Variants in SLC4A4 observed in about 807,000 individuals in gnomAD.
SLC4A4 encodes the protein electrogenic sodium bicarbonate cotransporter 1.
In SLC4A4, 27 loss-of-function variants were observed where a neutral mutation model predicts 111.5. The ratio of observed to expected loss-of-function variants is 0.24; its 90% CI spans 0.18 to 0.33. The LOEUF is 0.33. Ranked by LOEUF, SLC4A4 falls within the 10% of genes least tolerant of loss-of-function variation. The pLI is 1.00. For missense variants in SLC4A4, 909 were observed against 1,315.5 expected, an observed-to-expected ratio of 0.69 and a Z score of 4.78; for synonymous variants, 443 against 463.4, an observed-to-expected ratio of 0.96 and a Z score of 0.57.
At position 71,144,218 on chromosome 4, in the gene SLC4A4, T is replaced by G. The variant is rs1428954850; in HGVS notation, c.-2+51426T>G. 7.2e-5 allele frequency among the ~76,000 whole-genome samples: 11 copies of G among 152,194 alleles called. No homozygotes were observed. The East Asian group carries it at 7.7e-4, about 11-fold the overall frequency. On this transcript the variant is annotated intron_variant, in intron 2 of 26. Transcript: ENST00000649996. ...CTAAATAGGGAATCCTTTCCCCATTTCTTGTTTTTGTCATGTTTGTCAAAG... is the reference window on the plus strand; with the variant it reads ...CTAAATAGGGAATCCTTTCCCCATTGCTTGTTTTTGTCATGTTTGTCAAAG...
chr4:71,124,095 A>G (rs1445171558), intron 2 of SLC4A4, among the ~76,000 whole-genome samples: 2 of 151,716 alleles, frequency 1.3e-5, no homozygotes. Flanking sequence ...TTCCCAAGGG[A>G]CACACAGACA....
At chr4:71,137,604 C>T (rs1406093563) in intron 2 of SLC4A4, among the ~76,000 whole-genome samples, 1 of 152,190 alleles carries the variant, frequency 6.6e-6, no homozygotes, top group Non-Finnish European at 1.5e-5. Context: ...CAACTTCATT[C>T]TTCCCTTTGC....
intron 16 of SLC4A4, among the ~76,000 whole-genome samples, chr4:71,506,325 C>T (rs769416743): frequency 5.9e-5 from 9 of 152,164 alleles, no homozygotes; most frequent in Non-Finnish European, 1.3e-4. Context: ...TATTCATGAG[C>T]ATGGAATGCT....
chr4:71,143,105 C>G (rs563392031), intron 2 of SLC4A4, among the ~76,000 whole-genome samples: 2 of 152,088 alleles, frequency 1.3e-5, no homozygotes, highest in African/African-American at 2.4e-5. Context: ...CCCATCCCCC[C>G]ACCATGCAAC....
At chr4:71,119,075 G>A (rs1249961841) in intron 2 of SLC4A4, among the ~76,000 whole-genome samples, 1 of 152,204 alleles carries the variant, frequency 6.6e-6, no homozygotes, top group Non-Finnish European at 1.5e-5. Context: ...CGATAATGAT[G>A]TGTCAATGTA....
intron 2 of SLC4A4, among the ~76,000 whole-genome samples, chr4:71,098,274 A>G (rs1742617302): frequency 6.6e-6 from 1 of 152,160 alleles, no homozygotes; most frequent in African/African-American, 2.4e-5. Flanking sequence ...CCATTTTATT[A>G]AATAGGTAGC....
At chr4:71,362,484 G>T (rs1730884644) in intron 6 of SLC4A4, among the ~76,000 whole-genome samples, 1 of 152,190 alleles carries the variant, frequency 6.6e-6, no homozygotes, top group African/African-American at 2.4e-5. Context: ...TATACAATAT[G>T]TTTAAGCACA....
intron 3 of SLC4A4, among the ~76,000 whole-genome samples, chr4:71,307,687 G>A (rs1725804153): frequency 6.6e-6 from 1 of 152,210 alleles, no homozygotes; most frequent in Admixed American, 6.5e-5. Flanking sequence ...CTTTTCAGAT[G>A]TTGTCTGATA....
intron 1 of SLC4A4, among the ~76,000 whole-genome samples, chr4:71,077,716 G>A (rs1372884563): frequency 6.6e-6 from 1 of 152,148 alleles, no homozygotes; most frequent in Non-Finnish European, 1.5e-5. Context: ...AAGAAATAAT[G>A]AGCATTGTAG....
chr4:71,234,321 T>C (rs982567263), intron 1 of SLC4A4, among the ~76,000 whole-genome samples: 2 of 152,264 alleles, frequency 1.3e-5, no homozygotes, highest in Non-Finnish European at 2.9e-5. Context: ...ATGAGGAACA[T>C]AGCAGGCACT....
rs558530187 is a variant in SLC4A4 at position 71,374,785 on chromosome 4, G to GT, written c.730+17610dup. Among the ~76,000 whole-genome samples, 346 of 146,026 alleles carry GT rather than the reference G, an allele frequency of 2.4e-3. 2 individuals carry two copies. Among genetic ancestry groups the GT allele is most frequent in the South Asian group, 0.014 (66 of 4,614 alleles). Reference sequence around the variant, plus strand: ...GGCAGTCTGCTAAAATTGTAAAACAGTTTTTTTTTTTTCCTAATAAGATTT... The same window carrying GT: ...GGCAGTCTGCTAAAATTGTAAAACAGTTTTTTTTTTTTTCCTAATAAGATTT... On this transcript the variant is annotated intron_variant, in intron 6 of 25. Coordinates refer to ENST00000264485, the MANE Select transcript of SLC4A4 (RefSeq NM_001098484.3).
intron 2 of SLC4A4, among the ~76,000 whole-genome samples, chr4:71,095,071 C>A (rs1173538961): frequency 1.3e-5 from 2 of 152,182 alleles, no homozygotes; most frequent in Non-Finnish European, 2.9e-5. Flanking sequence ...GTTTAATCAG[C>A]ATAATCTTTT....
At chr4:71,426,897 A>C (rs144255737) in intron 7 of SLC4A4, among the ~76,000 whole-genome samples, 55 of 152,230 alleles carry the variant, frequency 3.6e-4, no homozygotes, top group African/African-American at 1.3e-3. Context: ...ATATGGTTGT[A>C]GTTTTTCACT....
Position 71,571,934 on chromosome 4 carries a change from T to C in SLC4A4, c.*4183T>C, listed in dbSNP as rs1737953105. The C allele has an allele frequency of 6.6e-6, 1 of 152,272 alleles. No homozygotes were observed. The highest frequency in any genetic ancestry group is 2.4e-5 in the African/African-American group (1 of 41,406). 9.4% of individuals were successfully genotyped at this position (152,272 alleles called of 1,614,324 possible). On this transcript the variant is annotated 3_prime_UTR_variant, in exon 26 of 26. Coordinates refer to ENST00000264485, the MANE Select transcript of SLC4A4 (RefSeq NM_001098484.3). ...TACTAATAACTTTTTCCAATATAAA[T>C]CCTAAAATTCCTATAACATAGTATT...
chr4:71,367,310 A>G (rs1731425514), intron 6 of SLC4A4, among the ~76,000 whole-genome samples: 2 of 152,222 alleles, frequency 1.3e-5, no homozygotes, highest in African/African-American at 2.4e-5. Context: ...AGCTAAAGGA[A>G]TATGAATTCT....
At chr4:71,193,284 C>T (rs531617887) in intron 1 of SLC4A4, among the ~76,000 whole-genome samples, 2 of 152,270 alleles carry the variant, frequency 1.3e-5, no homozygotes, top group East Asian at 1.9e-4. Context: ...CTCAGCCTCC[C>T]GAGTAGCTGG....
intron 23 of SLC4A4, among the ~76,000 whole-genome samples, chr4:71,562,284 C>T (rs1012562051): frequency 3.3e-5 from 5 of 151,622 alleles, no homozygotes; most frequent in Admixed American, 6.6e-5. Context: ...ATTTAGAGTA[C>T]GTCTGTGCAG....
Position 71,484,453 on chromosome 4 carries a change from G to A in SLC4A4, c.1904-2495G>A, listed in dbSNP as rs138723406. 1.1e-4 allele frequency among the ~76,000 whole-genome samples: 17 copies of A among 151,722 alleles called. No individual in the cohort carries two copies. In the East Asian group the frequency reaches 3.3e-3, roughly 30 times the overall value. ...GGAATCCTATTGCTTCTTTTTGTCA[G>A]GTTTGTTGAAGATCAGATAGTTGTA... On this transcript the variant is annotated intron_variant, in intron 14 of 25. Coordinates refer to ENST00000264485, the MANE Select transcript of SLC4A4 (RefSeq NM_001098484.3).
At chr4:71,364,540 C>T (rs1471811519) in intron 6 of SLC4A4, among the ~76,000 whole-genome samples, 1 of 152,180 alleles carries the variant, frequency 6.6e-6, no homozygotes, top group African/African-American at 2.4e-5. Context: ...GGTGAGAGCC[C>T]TTTCCTCATA....
Sources: allele counts gnomAD v4.1 joint callset (sites outside exome capture counted in the v4.1 genomes callset), GRCh38; gene constraint gnomAD v4.1.1; transcripts MANE v1.5; gene names NCBI Gene and HGNC (gene_info 2026-07-23, HGNC 2026-07-21).